CYP2J2: variants seen among roughly 807,000 people sequenced by gnomAD.
CYP2J2 encodes cytochrome P450 2J2.
Under a neutral mutation model 48.8 loss-of-function variants are expected in CYP2J2, and 41 were observed. That is an observed-to-expected ratio of 0.84 (90% CI 0.66 to 1.09). The LOEUF is 1.09. Ranked by LOEUF, CYP2J2 falls within the 50% of genes least tolerant of loss-of-function variation. The pLI, the probability that CYP2J2 is intolerant of heterozygous loss-of-function variation, is 0.00. For missense variants in CYP2J2, 644 were observed against 617.3 expected, an observed-to-expected ratio of 1.04 and a Z score of -0.46; for synonymous variants, 221 against 227.1, an observed-to-expected ratio of 0.97 and a Z score of 0.24.
chr1:59,927,698 A>G (rs1450522526), upstream of CYP2J2, among the ~76,000 whole-genome samples: 1 of 152,092 alleles, frequency 6.6e-6, no homozygotes, highest in Admixed American at 6.5e-5. Context: ...TCAGCCTCCC[A>G]TGTAGCTGGG....
At chr1:59,945,001 A>AT in the CYP2J2 span, among the ~76,000 whole-genome samples, 1 of 151,740 alleles carries the variant, frequency 6.6e-6, no homozygotes, top group East Asian at 1.9e-4. Flanking sequence ...TTTTCTTTAC[A>AT]TTTTTTCTGG....
rs1158946958 is a variant in CYP2J2, at chr1:59,893,319, C to A, written c.*332G>T. ...GGAAGGAGGCACACTATAGATAGAA[C>A]TTTTATGATGTGTTTTATGGTTTAC... On this transcript the variant is annotated 3_prime_UTR_variant, in exon 9 of 9. Coordinates refer to ENST00000371204, the MANE Select transcript of CYP2J2 (RefSeq NM_000775.4). The A allele has an allele frequency of 4.9e-6, 1 of 202,636 alleles. No homozygotes were observed. Among genetic ancestry groups the A allele is most frequent in the Non-Finnish European group, 9.8e-6 (1 of 101,864 alleles). 12.6% of individuals were successfully genotyped at this position (202,636 alleles called of 1,614,324 possible). A position where few individuals can be genotyped will look rare whatever the true frequency, so the allele number is the denominator to read the frequency against.
At chr1:59,928,000 T>C (rs1644582953), upstream of CYP2J2, among the ~76,000 whole-genome samples, 1 of 152,234 alleles carries the variant, frequency 6.6e-6, no homozygotes, top group Non-Finnish European at 1.5e-5. Context: ...ATATTTCTAA[T>C]ATTTATATAT....
the CYP2J2 span, among the ~76,000 whole-genome samples, chr1:59,950,437 T>A: frequency 6.6e-6 from 1 of 152,206 alleles, no homozygotes; most frequent in East Asian, 1.9e-4. Context: ...GGCTGAATCT[T>A]CAGTGTTGGC....
At chr1:59,952,236 G>A in the CYP2J2 span, among the ~76,000 whole-genome samples, 4 of 151,922 alleles carry the variant, frequency 2.6e-5, no homozygotes, top group African/African-American at 7.3e-5. Flanking sequence ...CCTGAGGGAC[G>A]CATGCCTAAC....
chr1:59,929,707 G>A (rs1644593823), upstream of CYP2J2, among the ~76,000 whole-genome samples: 1 of 152,082 alleles, frequency 6.6e-6, no homozygotes. Context: ...GCTTGATATA[G>A]ATTATGCAAC....
the CYP2J2 span, among the ~76,000 whole-genome samples, chr1:59,945,159 T>G: frequency 1.3e-5 from 2 of 152,182 alleles, no homozygotes; most frequent in Admixed American, 1.3e-4. Context: ...AAAAAAATGG[T>G]TAAGAACAGC....
At chr1:59,936,036 G>GGAT in the CYP2J2 span, among the ~76,000 whole-genome samples, 1,694 of 152,212 alleles carry the variant, frequency 0.011, 23 homozygotes, top group African/African-American at 0.039. Context: ...CCAAAGTGCT[G>GGAT]GATTACAGGC....
chr1:59,918,694 T>G (rs764272450), intron 1 of CYP2J2, among the ~76,000 whole-genome samples: 6 of 144,716 alleles, frequency 4.1e-5, no homozygotes, highest in Non-Finnish European at 7.6e-5. Context: ...CTTAACAGAA[T>G]AAAACAAAAG....
At chr1:59,953,949 C>T in the CYP2J2 span, among the ~76,000 whole-genome samples, 2 of 152,200 alleles carry the variant, frequency 1.3e-5, no homozygotes, top group South Asian at 4.1e-4. Flanking sequence ...CAGTTGATAG[C>T]TCTGTGCACA....
In CYP2J2 at chr1:59,907,845, G is replaced by T; in HGVS notation, c.944C>A (p.Thr315Lys). Reference protein sequence around the residue: ...TLDLFFAGTETTSTTLRWALL... With the variant: ...TLDLFFAGTEKTSTTLRWALL... ...AGCCCATCGCAGAGTTGTGGAAGTT[G>T]TCTCGGTTCCGGCAAAGAAGAGGTC... is the stretch of plus-strand genomic sequence containing the variant. The change falls in exon 6 of 9, where the codon ACA becomes AAA. Residue 315 changes from threonine (T) to lysine (K), a missense_variant. By Grantham distance (78) the Thr-to-Lys change is moderately conservative. Coordinates refer to ENST00000371204, the MANE Select transcript of CYP2J2 (RefSeq NM_000775.4). The T allele has an allele frequency of 1.2e-6, 2 of 1,614,118 alleles. No homozygotes were observed. The highest frequency in any genetic ancestry group is 1.6e-4 in the Middle Eastern group (1 of 6,062).
chr1:59,953,444 G>A, the CYP2J2 span, among the ~76,000 whole-genome samples: 55 of 152,116 alleles, frequency 3.6e-4, no homozygotes, highest in African/African-American at 1.3e-3. Context: ...TAATATATCG[G>A]GCAGTGATAA....
At chr1:59,958,526 C>T in the CYP2J2 span, among the ~76,000 whole-genome samples, 1 of 152,030 alleles carries the variant, frequency 6.6e-6, no homozygotes, top group Admixed American at 6.5e-5. Context: ...TTCTCATTGC[C>T]TTTCCTTCCT....
chr1:59,940,808 T>TA, the CYP2J2 span, among the ~76,000 whole-genome samples: 3 of 152,152 alleles, frequency 2.0e-5, no homozygotes, highest in African/African-American at 7.2e-5. Context: ...TATTTGCCCA[T>TA]AAAAAATGAA....
At chr1:59,954,642 G>C in the CYP2J2 span, among the ~76,000 whole-genome samples, 3 of 151,850 alleles carry the variant, frequency 2.0e-5, no homozygotes, top group African/African-American at 7.3e-5. Flanking sequence ...ATTTGTTGCA[G>C]AGATATGGGC....
At chr1:59,935,019 T>C in the CYP2J2 span, among the ~76,000 whole-genome samples, 636 of 41,754 alleles carry the variant, frequency 0.015, 4 homozygotes, top group Admixed American at 0.044. Context: ...TATATACATA[T>C]ATATATATAT....
chr1:59,967,823 TTATTTA>T, the CYP2J2 span, among the ~76,000 whole-genome samples: 12 of 152,238 alleles, frequency 7.9e-5, no homozygotes, highest in African/African-American at 2.9e-4. Flanking sequence ...TAAAATTGTT[TTATTTA>T]TATTTCCTTA....
At chr1:59,916,251 G>T in intron 1 of CYP2J2, 151 bp from the exon 2 acceptor site, 1 of 556,488 alleles carries the variant, frequency 1.8e-6, no homozygotes, top group South Asian at 3.2e-5. Context: ...GTGTGAGTGA[G>T]TGTACATTGG....
At chr1:59,964,813 GTT>G in the CYP2J2 span, among the ~76,000 whole-genome samples, 5 of 152,208 alleles carry the variant, frequency 3.3e-5, no homozygotes, top group Non-Finnish European at 7.4e-5. Flanking sequence ...CCAATGGAGA[GTT>G]TTGAGCAGAG....
Sources: allele counts gnomAD v4.1 joint callset (sites outside exome capture counted in the v4.1 genomes callset), GRCh38; gene constraint gnomAD v4.1.1; transcripts MANE v1.5; gene names NCBI Gene and HGNC (gene_info 2026-07-23, HGNC 2026-07-21).